Variants in PLG observed in about 807,000 individuals in gnomAD.
PLG encodes the protein plasmin.
In PLG, 41 loss-of-function variants were observed where a neutral mutation model predicts 104.4. The observed-to-expected ratio is 0.39, with a 90% confidence interval of 0.31 to 0.51. The LOEUF is 0.51. Ranked by LOEUF, PLG falls within the 20% of genes least tolerant of loss-of-function variation. PLG has a pLI of 0.76. For missense variants in PLG, 891 were observed against 1,003.6 expected (o/e 0.89, Z 1.52); for synonymous variants, 337 against 357.1 (o/e 0.94, Z 0.63).
In PLG at chr6:160,724,971, T is replaced by G. The variant is rs945395277; in HGVS notation, c.1256+2404T>G. ...TGCCTTAATTTCTTTAAAAGATAAT[T>G]GATGGGAGGCTGAGTCGGGCAGATC... On this transcript the variant is annotated intron_variant, in intron 10 of 18. Transcript: ENST00000308192. This position sits in a 1 kb window ranked among gnomAD's most constrained non-coding sequence, Gnocchi z 5.0. Among the ~76,000 whole-genome samples, 94 of 152,116 alleles carry G rather than the reference T, an allele frequency of 6.2e-4. No homozygotes were observed. The highest frequency in any genetic ancestry group is 7.4e-5 in the Non-Finnish European group (5 of 68,008).
At chr6:160,733,846 GA>G (rs10540264) in intron 12 of PLG, 148 bp from the exon 13 acceptor site, 8,859 of 344,978 alleles carry the variant, frequency 0.026, 7 homozygotes, top group South Asian at 0.045. Flanking sequence ...CTCCACCTCA[GA>G]AAAAAAAAAA....
chr6:160,724,396 A>G lies in PLG; in HGVS notation c.1256+1829A>G, dbSNP rs1450081924. Reference sequence around the variant, plus strand: ...AAAAAGTTAACTAGAAAATAATTCAATAGAAGTGATACAAACTGCAGCACA... The same window carrying G: ...AAAAAGTTAACTAGAAAATAATTCAGTAGAAGTGATACAAACTGCAGCACA... On this transcript the variant is annotated intron_variant, in intron 10 of 18. Transcript: ENST00000308192. The surrounding 1 kb of genome is among the most constrained non-coding windows in gnomAD (Gnocchi z 5.0). 1.3e-5 allele frequency among the ~76,000 whole-genome samples: 2 copies of G among 152,178 alleles called. No homozygotes were observed. Among genetic ancestry groups the G allele is most frequent in the African/African-American group, 2.4e-5 (1 of 41,468 alleles).
chr6:160,741,844 G>C lies in PLG; in HGVS notation c.2125+427G>C, dbSNP rs1377064821. Among the ~76,000 whole-genome samples, 1 of 152,046 alleles carries C rather than the reference G, an allele frequency of 6.6e-6. No individual in the cohort carries two copies. The highest frequency in any genetic ancestry group is 1.5e-5 in the Non-Finnish European group (1 of 68,014). Reference sequence around the variant, plus strand: ...CTCCCTCAAGTAGGCCCCAGTGTCTGTTGCTCTCTTCTTTGTGTCCATGAG... The same window carrying C: ...CTCCCTCAAGTAGGCCCCAGTGTCTCTTGCTCTCTTCTTTGTGTCCATGAG... On this transcript the variant is annotated intron_variant, in intron 17 of 18. Coordinates refer to ENST00000308192, the MANE Select transcript of PLG (RefSeq NM_000301.5). The surrounding 1 kb of genome is among the most constrained non-coding windows in gnomAD (Gnocchi z 4.7).
rs1462078868 is a variant in PLG, at chr6:160,725,749, A to G, written c.1256+3182A>G. 6.6e-6 allele frequency among the ~76,000 whole-genome samples: 1 copy of G among 152,164 alleles called. No homozygotes were observed. Among genetic ancestry groups the G allele is most frequent in the African/African-American group, 2.4e-5 (1 of 41,444 alleles). ...TCTTTAATTGTAAAGAGCTAGTCCA[A>G]AAACCAAGTGTGGAAAATGACATAT... On this transcript the variant is annotated intron_variant, in intron 10 of 18. Coordinates refer to ENST00000308192, the MANE Select transcript of PLG (RefSeq NM_000301.5). This position sits in a 1 kb window ranked among gnomAD's most constrained non-coding sequence, Gnocchi z 6.3.
chr6:160,704,938 G>A (rs1331822314), intron 1 of PLG, among the ~76,000 whole-genome samples: 2 of 152,108 alleles, frequency 1.3e-5, no homozygotes, highest in African/African-American at 4.8e-5. Flanking sequence ...ACAAACCAAT[G>A]CGCTCTGCAG....
At chr6:160,743,175 G>A (rs1474400537) in intron 17 of PLG, among the ~76,000 whole-genome samples, 1 of 151,974 alleles carries the variant, frequency 6.6e-6, no homozygotes, top group African/African-American at 2.4e-5. Context: ...TTTTGAAGTA[G>A]TTTTTTAATA....
In PLG at chr6:160,739,216, T is replaced by C. The variant is rs780569245; in HGVS notation, c.2018+8T>C. On this transcript the variant is annotated splice_region_variant and intron_variant, in intron 16 of 18. Coordinates refer to ENST00000308192, the MANE Select transcript of PLG (RefSeq NM_000301.5). This position sits in a 1 kb window ranked among gnomAD's most constrained non-coding sequence, Gnocchi z 4.4. The stretch of plus-strand genomic sequence containing the variant: ...CTTGCTAAAGCTAAGCAGGTACTCG[T>C]TCACCTGTGGTCTTCACCCCACGCT... The C allele has an allele frequency of 4.0e-5, 64 of 1,613,978 alleles. No homozygotes were observed. The highest frequency in any genetic ancestry group is 5.1e-5 in the Non-Finnish European group (60 of 1,179,974).
At chr6:160,709,897 G>A (rs1777605655) in intron 3 of PLG, among the ~76,000 whole-genome samples, 1 of 152,232 alleles carries the variant, frequency 6.6e-6, no homozygotes, top group Non-Finnish European at 1.5e-5. Context: ...AAATGATGGT[G>A]TAAATATACC....
rs144797179 is a variant in PLG at position 160,714,259 on chromosome 6, G to A, written c.548-535G>A. Among the ~76,000 whole-genome samples, 148 of 152,296 alleles carry A rather than the reference G, an allele frequency of 9.7e-4. No homozygotes were observed. The Middle Eastern group carries it at 0.027, about 28-fold the overall frequency. The stretch of plus-strand genomic sequence containing the variant: ...TTCTCAACAACATAAAAAGAGAAGC[G>A]CTGTCACTTCAGGTGAATATTGTTC... On this transcript the variant is annotated intron_variant, in intron 5 of 18. Transcript: ENST00000308192.
At chr6:160,747,938 A>G (rs78754593) in intron 17 of PLG, among the ~76,000 whole-genome samples, 2,663 of 152,292 alleles carry the variant, frequency 0.017, 85 homozygotes, top group African/African-American at 0.059. Context: ...GGCTCAGAGA[A>G]TGTGTGGGAT....
intron 17 of PLG, among the ~76,000 whole-genome samples, chr6:160,748,462 AGGGAG>A (rs1778333746): frequency 1.5e-4 from 3 of 20,106 alleles, no homozygotes; most frequent in Non-Finnish European, 2.0e-4. Flanking sequence ...GGAGGGAGGG[AGGGAG>A]GGAGGGAGGA....
At chr6:160,707,877 A>C in intron 3 of PLG, 71 bp downstream of exon 3, 2 of 1,102,382 alleles carry the variant, frequency 1.8e-6, no homozygotes. Flanking sequence ...TCTCTATTCT[A>C]TCTTTAATTT....
At position 160,736,210 on chromosome 6, in the gene PLG, G is replaced by A. The variant is rs921968762; in HGVS notation, c.1682-677G>A. ...TGTCCCTACCTCCAGAGACCCTGTG[G>A]GCTGGCTACAGAGAGAAGGCAGGGA... On this transcript the variant is annotated intron_variant, in intron 13 of 18. Transcript: ENST00000308192. The surrounding 1 kb of genome is among the most constrained non-coding windows in gnomAD (Gnocchi z 5.2). 6.6e-6 allele frequency among the ~76,000 whole-genome samples: 1 copy of A among 152,174 alleles called. No homozygotes were observed. The highest frequency in any genetic ancestry group is 6.5e-5 in the Admixed American group (1 of 15,272).
intron 17 of PLG, among the ~76,000 whole-genome samples, chr6:160,747,683 A>T (rs1778301015): frequency 6.6e-6 from 1 of 152,190 alleles, no homozygotes; most frequent in African/African-American, 2.4e-5. Flanking sequence ...ATGATTTCAA[A>T]GTGGCTTTCC....
chr6:160,751,079 T>G (rs1304415876), intron 17 of PLG, among the ~76,000 whole-genome samples: 1 of 152,222 alleles, frequency 6.6e-6, no homozygotes, highest in Non-Finnish European at 1.5e-5. Flanking sequence ...TGAAGACTCA[T>G]ACAAGTGAGG....
At chr6:160,716,030 G>T (rs1243955715) in intron 6 of PLG, among the ~76,000 whole-genome samples, 1 of 152,232 alleles carries the variant, frequency 6.6e-6, no homozygotes, top group Non-Finnish European at 1.5e-5. Context: ...CAAGAGCACA[G>T]CTTCTCCTCT....
At position 160,734,120 on chromosome 6, in the gene PLG, C is replaced by T. The variant is rs1778049241; in HGVS notation, c.1681+32C>T. The T allele has an allele frequency of 1.6e-6, 2 of 1,225,446 alleles. No homozygotes were observed. The highest frequency in any genetic ancestry group is 2.4e-6 in the Non-Finnish European group (2 of 826,582). The allele number at this position is 1,225,446 out of a possible 1,614,324, so 75.9% of individuals were successfully genotyped here. A position where few individuals can be genotyped will look rare whatever the true frequency, so the allele number is the denominator to read the frequency against. On this transcript the variant is annotated intron_variant, in intron 13 of 18. Transcript: ENST00000308192. The surrounding 1 kb of genome is among the most constrained non-coding windows in gnomAD (Gnocchi z 4.4). ...TGCCTTCTTTTTGGTAAGGAAACTGCTTACTTAATATGGATTTGCAACAAA... is the reference window on the plus strand; with the variant it reads ...TGCCTTCTTTTTGGTAAGGAAACTGTTTACTTAATATGGATTTGCAACAAA...
intron 17 of PLG, among the ~76,000 whole-genome samples, chr6:160,743,399 A>G (rs1370009823): frequency 6.6e-6 from 1 of 151,964 alleles, no homozygotes; most frequent in African/African-American, 2.4e-5. Flanking sequence ...GTATTCTTAC[A>G]TATTTTATTC....
In PLG at chr6:160,722,416, G is replaced by A; in HGVS notation, c.1105G>A (p.Glu369Lys). ...TEQLAPTAPPELTPVVQDCYH... is the reference protein window; with the variant it reads ...TEQLAPTAPPKLTPVVQDCYH... ...TTTTATTTTAATTTCAGCACCACCTGAGCTAACCCCTGTGGTCCAGGACTG... is the reference window on the plus strand; with the variant it reads ...TTTTATTTTAATTTCAGCACCACCTAAGCTAACCCCTGTGGTCCAGGACTG... Residue 369 changes from glutamate to lysine, a missense_variant, in exon 10 of 19, where the codon GAG (glutamate) becomes AAG (lysine). Coordinates refer to ENST00000308192, the MANE Select transcript of PLG (RefSeq NM_000301.5). 6.2e-7 allele frequency: 1 copy of A among 1,611,390 alleles called. No homozygotes were observed. The highest frequency in any genetic ancestry group is 8.5e-7 in the Non-Finnish European group (1 of 1,177,758).
Sources: gnomAD v4.1 joint callset for allele counts (sites outside exome capture counted in the v4.1 genomes callset) on GRCh38, gnomAD v4.1.1 for gene constraint, Gnocchi (gnomAD v3.1) non-coding constraint, MANE v1.5 for transcripts, NCBI Gene and HGNC (gene_info 2026-07-23, HGNC 2026-07-21) for gene names.